The following LGR5 variants were observed in gnomAD, a reference collection of about 807,000 sequenced individuals.
The protein encoded by LGR5 is leucine-rich repeat-containing G protein-coupled receptor 5.
In LGR5, 54 loss-of-function variants were observed where a neutral mutation model predicts 76.7. The observed-to-expected ratio is 0.70, with a 90% CI of 0.57 to 0.88. LGR5 has a LOEUF of 0.88. LGR5 is among the 40% of genes least tolerant of loss of function. The pLI, the probability that LGR5 is intolerant of heterozygous loss-of-function variation, is 0.00. For synonymous variants in LGR5, 406 were observed against 421.9 expected (o/e 0.96, Z 0.46); for missense variants, 1,078 against 1,073.3 (o/e 1.00, Z -0.06).
At chr12:71,561,990 C>A in intron 8 of LGR5, 138 bp downstream of exon 8, 1 of 457,792 alleles carries the variant, frequency 2.2e-6, no homozygotes, top group Non-Finnish European at 3.8e-6. Context: ...GGTATATACA[C>A]ATGCATTTTG....
At chr12:71,563,561 A>G (rs1422627502) in intron 8 of LGR5, among the ~76,000 whole-genome samples, 10 of 152,156 alleles carry the variant, frequency 6.6e-5, no homozygotes, top group Non-Finnish European at 1.2e-4. Context: ...AACCCTGTCA[A>G]CCAGTTCCCC....
At chr12:71,450,969 C>A (rs1872226372) in intron 1 of LGR5, among the ~76,000 whole-genome samples, 1 of 152,192 alleles carries the variant, frequency 6.6e-6, no homozygotes, top group Non-Finnish European at 1.5e-5. Flanking sequence ...TACCTCATCC[C>A]TAACCTGCAA....
chr12:71,493,875 C>A (rs890598539), intron 1 of LGR5, among the ~76,000 whole-genome samples: 3 of 148,088 alleles, frequency 2.0e-5, no homozygotes, highest in African/African-American at 7.7e-5. Flanking sequence ...CTCAGGTGAT[C>A]CTCCCATCTC....
Position 71,584,312 on chromosome 12 carries a change from A to G in LGR5, c.2302A>G (p.Ile768Val). The change falls in exon 18 of 18, where the codon ATT becomes GTT. Residue 768 changes from isoleucine to valine, a missense_variant. By Grantham distance (29) the Ile-to-Val change is conservative (BLOSUM62 3). Coordinates refer to ENST00000266674, the MANE Select transcript of LGR5 (RefSeq NM_003667.4). ...TTGGGACTGCTCTATGGTAAAACAC[A>G]TTGCCCTGTTGCTCTTCACCAACTG... ...NIWDCSMVKHIALLLFTNCIL... is the reference protein window; with the variant it reads ...NIWDCSMVKHVALLLFTNCIL... 1 of 1,614,180 alleles carries G rather than the reference A, an allele frequency of 6.2e-7. No homozygotes were observed. Among genetic ancestry groups the G allele is most frequent in the Non-Finnish European group, 8.5e-7 (1 of 1,180,024 alleles).
intron 13 of LGR5, among the ~76,000 whole-genome samples, chr12:71,577,229 T>C (rs534728021): frequency 6.6e-5 from 10 of 152,338 alleles, no homozygotes; most frequent in African/African-American, 2.2e-4. Flanking sequence ...TTTTTAAAAA[T>C]GTAGTTCTTA....
chr12:71,584,744 GA>G lies in LGR5; in HGVS notation c.*12del, dbSNP rs780383075. ...TGTCCCATGTCTCTAATTAATATGT[GA>G]AGGAAAATGTTTTCAAAGGTTGAGA... On this transcript the variant is annotated 3_prime_UTR_variant, in exon 18 of 18. Transcript: ENST00000266674. 3.1e-6 allele frequency: 5 copies of G among 1,601,086 alleles called. No homozygotes were observed. In the African/African-American group the frequency reaches 6.7e-5, roughly 21 times the overall value.
At chr12:71,562,183 T>C (rs1878094871) in intron 8 of LGR5, among the ~76,000 whole-genome samples, 1 of 152,238 alleles carries the variant, frequency 6.6e-6, no homozygotes, top group Non-Finnish European at 1.5e-5. Context: ...ATAGTCATTC[T>C]GAACTTAAAC....
chr12:71,458,350 C>T (rs960212865), intron 1 of LGR5, among the ~76,000 whole-genome samples: 10 of 152,012 alleles, frequency 6.6e-5, no homozygotes, highest in Non-Finnish European at 1.3e-4. Context: ...TGGAGCTCAA[C>T]AAGCTTCAAG....
At chr12:71,465,896 T>C (rs1051752286) in intron 1 of LGR5, among the ~76,000 whole-genome samples, 5 of 152,312 alleles carry the variant, frequency 3.3e-5, no homozygotes, top group Middle Eastern at 3.4e-3. Flanking sequence ...CAGCAGCCAC[T>C]GTATTTTGTT....
chr12:71,552,978 T>C, intron 4 of LGR5, 95 bp from the exon 5 acceptor site: 8 of 1,124,286 alleles, frequency 7.1e-6, no homozygotes, highest in Non-Finnish European at 1.1e-5. Context: ...CCTGTTCCAC[T>C]CTTGTTCATC....
At chr12:71,499,559 G>C (rs376602283) in intron 1 of LGR5, among the ~76,000 whole-genome samples, 1 of 152,090 alleles carries the variant, frequency 6.6e-6, no homozygotes, top group African/African-American at 2.4e-5. Context: ...AGGAGTTTGG[G>C]CATCATTTCC....
chr12:71,549,373 T>C (rs931552239), intron 4 of LGR5, among the ~76,000 whole-genome samples: 2 of 152,136 alleles, frequency 1.3e-5, no homozygotes, highest in African/African-American at 4.8e-5. Flanking sequence ...TGAAGAGCCA[T>C]TGTATGGCAT....
intron 8 of LGR5, among the ~76,000 whole-genome samples, chr12:71,562,378 A>G (rs1878105814): frequency 6.6e-6 from 1 of 152,172 alleles, no homozygotes; most frequent in Non-Finnish European, 1.5e-5. Context: ...GATAAATAAC[A>G]TTTTAGAAAG....
chr12:71,578,148 G>A (rs1878938578), intron 14 of LGR5, 152 bp downstream of exon 14: 1 of 598,914 alleles, frequency 1.7e-6, no homozygotes, highest in Non-Finnish European at 3.0e-6. Context: ...AGCCAGGGAG[G>A]AGTTCTGCTC....
chr12:71,521,122 A>G (rs1374845447), intron 2 of LGR5, among the ~76,000 whole-genome samples: 1 of 152,242 alleles, frequency 6.6e-6, no homozygotes, highest in East Asian at 1.9e-4. Context: ...TTGCAAGCTA[A>G]CAATAGGAAG....
At chr12:71,577,890 T>C (rs1210880929) in intron 13 of LGR5, 35 bp from the exon 14 acceptor site, 1 of 1,358,118 alleles carries the variant, frequency 7.4e-7, no homozygotes, top group Non-Finnish European at 1.1e-6. Flanking sequence ...TTCTTTATTC[T>C]ATATAATTCT....
At chr12:71,572,255 T>G (rs749087049) in intron 12 of LGR5, among the ~76,000 whole-genome samples, 53 of 152,214 alleles carry the variant, frequency 3.5e-4, no homozygotes, top group Non-Finnish European at 7.4e-4. Context: ...GCTAATTTTT[T>G]GCATTTTTAC....
At position 71,536,647 on chromosome 12, in the gene LGR5, T is replaced by C. The variant is rs577199115; in HGVS notation, c.428+1461T>C. On this transcript the variant is annotated intron_variant, in intron 4 of 17. Coordinates refer to ENST00000266674, the MANE Select transcript of LGR5 (RefSeq NM_003667.4). The stretch of plus-strand genomic sequence containing the variant: ...TAATGGCGGTAGCCAGTAGGAACTT[T>C]AAACAGCTGCAAGGCAGGCAGTAGA... Among the ~76,000 whole-genome samples the C allele has an allele frequency of 1.2e-4, 18 of 152,346 alleles. No homozygotes were observed. In the South Asian group the frequency reaches 3.7e-3, roughly 32 times the overall value.
rs56331340 is a variant in LGR5 at position 71,564,642 on chromosome 12, T to C, written c.858-1762T>C. 3.6e-3 allele frequency among the ~76,000 whole-genome samples: 503 copies of C among 141,420 alleles called. 13 individuals are homozygous for C. The highest frequency in any genetic ancestry group is 0.014 in the African/African-American group (472 of 34,534). The allele number at this position is 141,420 out of a possible 152,430, so 92.8% of individuals were successfully genotyped here. On this transcript the variant is annotated intron_variant, in intron 8 of 17. Transcript: ENST00000266674. ...TATATACGTATCTGTACACACGCAC[T>C]GTGTATATATACATATATGTACACA...
Sources: gnomAD v4.1 joint callset for allele counts (sites outside exome capture counted in the v4.1 genomes callset) on GRCh38, gnomAD v4.1.1 for gene constraint, MANE v1.5 for transcripts, NCBI Gene and HGNC (gene_info 2026-07-23, HGNC 2026-07-21) for gene names.